The following SPTLC1 variants were observed in gnomAD, a reference collection of about 807,000 sequenced individuals.
SPTLC1 encodes the protein serine palmitoyltransferase long chain base subunit 1.
Under a neutral mutation model 68.9 loss-of-function variants are expected in SPTLC1, and 55 were observed. That is an observed-to-expected ratio of 0.80 (90% CI 0.64 to 1.00). SPTLC1 has a LOEUF of 1.00. SPTLC1 is among the 50% of genes least tolerant of loss of function. SPTLC1 has a pLI of 0.00. For missense variants in SPTLC1, 449 were observed against 573.1 expected, an observed-to-expected ratio of 0.78 and a Z score of 2.21; for synonymous variants, 197 against 201.6, an observed-to-expected ratio of 0.98 and a Z score of 0.19.
chr9:92,049,942 TA>T lies in SPTLC1; in HGVS notation c.888+17del. ...TCTCCTATAAGAGGGGAAACGTTCT[TA>T]AAAAAGGGGAACTTACATTGATTCC... On this transcript the variant is annotated intron_variant, in intron 9 of 14. Coordinates refer to ENST00000262554, the MANE Select transcript of SPTLC1 (RefSeq NM_006415.4). 6.6e-7 allele frequency: 1 copy of T among 1,525,312 alleles called. No individual in the cohort carries two copies. Among genetic ancestry groups the T allele is most frequent in the Non-Finnish European group, 9.1e-7 (1 of 1,099,816 alleles). The allele number at this position is 1,525,312 out of a possible 1,614,324, so 94.5% of individuals were successfully genotyped here.
intron 5 of SPTLC1, among the ~76,000 whole-genome samples, chr9:92,077,212 C>T (rs1031126998): frequency 6.6e-6 from 1 of 152,146 alleles, no homozygotes; most frequent in Non-Finnish European, 1.5e-5. Flanking sequence ...CACCTTTCTG[C>T]TGGGTCCCAA....
intron 3 of SPTLC1, among the ~76,000 whole-genome samples, chr9:92,106,519 C>T (rs1835996189): frequency 6.6e-6 from 1 of 151,510 alleles, no homozygotes; most frequent in Admixed American, 6.6e-5. Flanking sequence ...TGCAGTGGCA[C>T]CCAGCCTGCC....
At chr9:92,079,144 C>T (rs562398405) in intron 5 of SPTLC1, 35 of 445,166 alleles carry the variant, frequency 7.9e-5, no homozygotes, top group Non-Finnish European at 1.0e-4. Context: ...GGCATGATCT[C>T]GGCTCACTGC....
At chr9:92,033,152 A>G (rs1833030125) in intron 14 of SPTLC1, among the ~76,000 whole-genome samples, 1 of 152,220 alleles carries the variant, frequency 6.6e-6, no homozygotes, top group Non-Finnish European at 1.5e-5. Flanking sequence ...ACACCCAGTC[A>G]GAGTGAGTTT....
At chr9:92,081,789 T>C (rs1202119270) in intron 3 of SPTLC1, among the ~76,000 whole-genome samples, 1 of 152,220 alleles carries the variant, frequency 6.6e-6, no homozygotes, top group African/African-American at 2.4e-5. Context: ...GATGGGACTA[T>C]GTATCTGTAC....
chr9:92,111,382 CTAA>C (rs1367988823), intron 2 of SPTLC1: 2 of 152,112 alleles, frequency 1.3e-5, no homozygotes, highest in African/African-American at 2.4e-5. Context: ...ACTAAATATC[CTAA>C]TAATAATGTT....
At chr9:92,078,234 C>A (rs1834752541) in intron 5 of SPTLC1, among the ~76,000 whole-genome samples, 1 of 152,196 alleles carries the variant, frequency 6.6e-6, no homozygotes, top group Non-Finnish European at 1.5e-5. Flanking sequence ...AATTCCTTTA[C>A]CTCAGCAAGC....
At chr9:92,073,545 C>A (rs560300211) in intron 5 of SPTLC1, among the ~76,000 whole-genome samples, 5 of 152,196 alleles carry the variant, frequency 3.3e-5, no homozygotes, top group Non-Finnish European at 5.9e-5. Context: ...GAAAACCCAG[C>A]TCAGTTTATG....
chr9:92,112,087 G>C (rs1377178429), intron 2 of SPTLC1, among the ~76,000 whole-genome samples: 1 of 152,154 alleles, frequency 6.6e-6, no homozygotes, highest in East Asian at 1.9e-4. Flanking sequence ...TCTCCTTTAA[G>C]AAGACCACAG....
intron 5 of SPTLC1, among the ~76,000 whole-genome samples, chr9:92,073,128 G>A (rs78203746): frequency 0.033 from 5,014 of 152,214 alleles, 140 homozygotes; most frequent in South Asian, 0.091. Context: ...CCTTTGAGAG[G>A]TGGCAGGAGC....
intron 3 of SPTLC1, chr9:92,104,933 C>T: frequency 6.5e-7 from 1 of 1,534,496 alleles, no homozygotes; most frequent in Non-Finnish European, 8.7e-7. Flanking sequence ...TTCACACAGC[C>T]CTGTTGGAGG....
chr9:92,056,849 T>C (rs1490456047), intron 7 of SPTLC1, among the ~76,000 whole-genome samples: 3 of 152,232 alleles, frequency 2.0e-5, no homozygotes, highest in Non-Finnish European at 2.9e-5. Flanking sequence ...TGCTCAATCA[T>C]CTTTACTCTG....
chr9:92,092,782 G>A (rs765462864), intron 3 of SPTLC1, among the ~76,000 whole-genome samples: 3 of 152,100 alleles, frequency 2.0e-5, no homozygotes, highest in Non-Finnish European at 4.4e-5. Context: ...GTACTTAGAA[G>A]GGAATTTATA....
At chr9:92,084,981 T>G (rs1835053363) in intron 3 of SPTLC1, among the ~76,000 whole-genome samples, 1 of 152,202 alleles carries the variant, frequency 6.6e-6, no homozygotes, top group Non-Finnish European at 1.5e-5. Context: ...AGGGTGTATG[T>G]GTCGAGGAAT....
chr9:92,046,537 G>A (rs1380988886), intron 11 of SPTLC1, among the ~76,000 whole-genome samples: 1 of 152,136 alleles, frequency 6.6e-6, no homozygotes, highest in African/African-American at 2.4e-5. Flanking sequence ...TGAGCACAGA[G>A]ACACACATTT....
At chr9:92,072,971 C>T (rs979875723) in intron 5 of SPTLC1, among the ~76,000 whole-genome samples, 3 of 151,808 alleles carry the variant, frequency 2.0e-5, no homozygotes, top group Non-Finnish European at 4.4e-5. Flanking sequence ...CCCACCTATC[C>T]GAACCTGGCC....
Position 92,115,345 on chromosome 9 carries a change from A to T in SPTLC1, c.26T>A (p.Val9Asp). ...AAGCGCCTGTACCATCTCCACCAGAACCCACTGCTCCGTGGCGGTCGCCAT... is the reference window on the plus strand; with the variant it reads ...AAGCGCCTGTACCATCTCCACCAGATCCCACTGCTCCGTGGCGGTCGCCAT... Reference protein sequence around the residue: MATATEQWVLVEMVQALYE... With the variant: MATATEQWDLVEMVQALYE... The change falls in exon 1 of 15, where the codon GTT becomes GAT. Residue 9 changes from valine (V) to aspartate (D), a missense_variant. Around this residue, in one of 3 missense-constraint regions of SPTLC1, gnomAD observed 46 missense variants for 57.8 expected, o/e 0.80. Coordinates refer to ENST00000262554, the MANE Select transcript of SPTLC1 (RefSeq NM_006415.4). 1 of 1,612,768 alleles carries T rather than the reference A, an allele frequency of 6.2e-7. No individual in the cohort carries two copies. The highest frequency in any genetic ancestry group is 8.5e-7 in the Non-Finnish European group (1 of 1,179,970).
chr9:92,099,090 C>T (rs1835648394), intron 3 of SPTLC1, among the ~76,000 whole-genome samples: 1 of 152,156 alleles, frequency 6.6e-6, no homozygotes, highest in African/African-American at 2.4e-5. Flanking sequence ...ATGAATAATA[C>T]TAATGAAGTC....
chr9:92,060,938 G>A (rs1052121293), intron 6 of SPTLC1, among the ~76,000 whole-genome samples: 52 of 149,886 alleles, frequency 3.5e-4, no homozygotes, highest in African/African-American at 1.3e-3. Flanking sequence ...AAAGAAAAAA[G>A]AAATCATTCA....
Sources: allele counts gnomAD v4.1 joint callset (sites outside exome capture counted in the v4.1 genomes callset), GRCh38; gene constraint gnomAD v4.1.1; regional missense constraint gnomAD v4.1.1; transcripts MANE v1.5; gene names NCBI Gene and HGNC (gene_info 2026-07-23, HGNC 2026-07-21).